Variants in ASTN1 observed in about 807,000 individuals in gnomAD.
ASTN1 encodes the protein astrotactin 1.
Under a neutral mutation model 140.7 loss-of-function variants are expected in ASTN1, and 41 were observed. That is an observed-to-expected ratio of 0.29 (90% CI 0.23 to 0.38). The LOEUF (loss-of-function observed/expected upper bound fraction) is 0.38. Among genes scored for constraint, ASTN1 ranks in the 10% least tolerant of loss-of-function variants. The pLI, the probability that ASTN1 is intolerant of heterozygous loss-of-function variation, is 1.00. For missense variants in ASTN1, 1,479 were observed against 1,678.8 expected, an observed-to-expected ratio of 0.88 and a Z score of 2.08; for synonymous variants, 640 against 652.2, an observed-to-expected ratio of 0.98 and a Z score of 0.29.
At chr1:177,037,816 G>A (rs919426535) in intron 2 of ASTN1, among the ~76,000 whole-genome samples, 16 of 152,074 alleles carry the variant, frequency 1.1e-4, no homozygotes, top group African/African-American at 3.9e-4. Context: ...ATCTATTAAC[G>A]AGTTCCTTGC....
At chr1:176,958,238 TC>T (rs1409916731) in intron 10 of ASTN1, 106 bp downstream of exon 10, 2 of 1,551,234 alleles carry the variant, frequency 1.3e-6, no homozygotes, top group African/African-American at 2.8e-5. Flanking sequence ...TGCCAATTTT[TC>T]CTTTTAGCTT....
At chr1:177,119,570 ATT>A (rs1366600977) in intron 1 of ASTN1, among the ~76,000 whole-genome samples, 1 of 152,114 alleles carries the variant, frequency 6.6e-6, no homozygotes, top group Non-Finnish European at 1.5e-5. Context: ...TGCAAAGTGT[ATT>A]TTGGTTTCCC....
chr1:177,027,361 A>G (rs1340058115), intron 5 of ASTN1, among the ~76,000 whole-genome samples: 3 of 151,992 alleles, frequency 2.0e-5, no homozygotes, highest in African/African-American at 4.8e-5. Flanking sequence ...TGTGATTTCA[A>G]TGACTTGCTA....
intron 2 of ASTN1, among the ~76,000 whole-genome samples, chr1:177,042,805 C>T (rs1677039049): frequency 6.6e-6 from 1 of 152,240 alleles, no homozygotes; most frequent in African/African-American, 2.4e-5. Context: ...AAGCCCACCA[C>T]TGTGGTCTGG....
chr1:177,069,366 T>C (rs965952343), intron 1 of ASTN1, among the ~76,000 whole-genome samples: 3 of 152,116 alleles, frequency 2.0e-5, no homozygotes, highest in African/African-American at 7.2e-5. Flanking sequence ...AAGCTGCCCA[T>C]CCACCCGCTT....
At chr1:176,918,083 C>G (rs1319397858) in intron 16 of ASTN1, among the ~76,000 whole-genome samples, 3 of 152,148 alleles carry the variant, frequency 2.0e-5, no homozygotes, top group South Asian at 4.1e-4. Flanking sequence ...ACACAACACA[C>G]AGCTACTCAC....
At chr1:177,140,761 C>G (rs1321815523) in intron 1 of ASTN1, among the ~76,000 whole-genome samples, 2 of 152,168 alleles carry the variant, frequency 1.3e-5, no homozygotes, top group African/African-American at 4.8e-5. Context: ...GTGAGAAGTG[C>G]TATTAGAGCT....
chr1:177,156,788 A>C (rs1683257349), intron 1 of ASTN1, among the ~76,000 whole-genome samples: 1 of 152,002 alleles, frequency 6.6e-6, no homozygotes, highest in Non-Finnish European at 1.5e-5. Context: ...CAACCTCAAC[A>C]AAGTGACTGA....
chr1:176,943,830 A>G (rs1671838299), intron 14 of ASTN1, 61 bp downstream of exon 14: 1 of 1,508,008 alleles, frequency 6.6e-7, no homozygotes, highest in Non-Finnish European at 8.9e-7. Flanking sequence ...TCTTAATTTT[A>G]TGAAACTGCA....
At chr1:176,977,286 C>G (rs1044443000) in intron 8 of ASTN1, among the ~76,000 whole-genome samples, 1 of 152,228 alleles carries the variant, frequency 6.6e-6, no homozygotes, top group Non-Finnish European at 1.5e-5. Flanking sequence ...AATTCAATCA[C>G]TCATTCATTT....
At chr1:176,910,753 T>A (rs1670200999) in intron 16 of ASTN1, among the ~76,000 whole-genome samples, 1 of 152,072 alleles carries the variant, frequency 6.6e-6, no homozygotes, top group African/African-American at 2.4e-5. Flanking sequence ...CCATGGACTG[T>A]TAGGAACCGA....
At chr1:177,023,332 G>C in intron 7 of ASTN1, 72 bp downstream of exon 7, 1 of 1,503,574 alleles carries the variant, frequency 6.7e-7, no homozygotes, top group Non-Finnish European at 8.9e-7. Flanking sequence ...GGCATGGTCT[G>C]AATTTCAAGG....
At chr1:176,894,243 A>G (rs1669393891) in intron 17 of ASTN1, among the ~76,000 whole-genome samples, 1 of 152,174 alleles carries the variant, frequency 6.6e-6, no homozygotes, top group African/African-American at 2.4e-5. Flanking sequence ...ACTGTCCCCA[A>G]GGCACGAGGG....
intron 14 of ASTN1, among the ~76,000 whole-genome samples, chr1:176,942,866 A>ATTGATT (rs1385017638): frequency 4.3e-5 from 3 of 69,978 alleles, no homozygotes; most frequent in African/African-American, 1.3e-4. Context: ...ATATATATAT[A>ATTGATT]GATTGATGTC....
chr1:177,144,056 C>A (rs1682592636), intron 1 of ASTN1, among the ~76,000 whole-genome samples: 1 of 151,938 alleles, frequency 6.6e-6, no homozygotes, highest in Non-Finnish European at 1.5e-5. Context: ...TTAGGGTTAG[C>A]TAGAACTTTA....
intron 16 of ASTN1, among the ~76,000 whole-genome samples, chr1:176,931,328 T>C (rs1671198083): frequency 6.6e-6 from 1 of 151,990 alleles, no homozygotes; most frequent in African/African-American, 2.4e-5. Flanking sequence ...TGGCCAGGCA[T>C]AGTGGTGCAT....
chr1:176,889,385 T>C (rs1669171935), intron 17 of ASTN1, among the ~76,000 whole-genome samples: 1 of 152,230 alleles, frequency 6.6e-6, no homozygotes, highest in East Asian at 1.9e-4. Context: ...TCTCTTTGTT[T>C]CATTCTCACT....
chr1:177,105,308 T>C (rs985212727), intron 1 of ASTN1, among the ~76,000 whole-genome samples: 4 of 152,192 alleles, frequency 2.6e-5, no homozygotes, highest in African/African-American at 9.7e-5. Flanking sequence ...AAATGATTCC[T>C]TAAAAGGCTT....
chr1:176,967,593 T>A (rs1217597283), intron 8 of ASTN1, among the ~76,000 whole-genome samples: 1 of 152,194 alleles, frequency 6.6e-6, no homozygotes, highest in Admixed American at 6.5e-5. Flanking sequence ...GTTGGCATAG[T>A]TTCTAGGTTG....
Sources: gnomAD v4.1 joint callset for allele counts (sites outside exome capture counted in the v4.1 genomes callset) on GRCh38, gnomAD v4.1.1 for gene constraint, MANE v1.5 for transcripts, NCBI Gene and HGNC (gene_info 2026-07-23, HGNC 2026-07-21) for gene names.